OSBPL1A: variants seen among roughly 807,000 people sequenced by gnomAD.
OSBPL1A encodes the protein oxysterol-binding protein-related protein 1.
A neutral mutation model predicts 137.1 loss-of-function variants in OSBPL1A; 80 were observed. The ratio of observed to expected loss-of-function variants is 0.58; its 90% CI spans 0.49 to 0.70. OSBPL1A has a LOEUF of 0.70. OSBPL1A is among the 30% of genes least tolerant of loss of function. The pLI is 0.00. For synonymous variants in OSBPL1A, 365 were observed against 389.7 expected (o/e 0.94, Z 0.75); for missense variants, 970 against 1,129.4 (o/e 0.86, Z 2.02).
intron 2 of OSBPL1A, among the ~76,000 whole-genome samples, chr18:24,374,917 C>T (rs73396205): frequency 0.031 from 4,650 of 152,112 alleles, 228 homozygotes; most frequent in African/African-American, 0.11. Context: ...GGAAAACCTG[C>T]CTCTCCACCA....
At chr18:24,229,794 A>T (rs1451725794) in intron 16 of OSBPL1A, among the ~76,000 whole-genome samples, 1 of 151,222 alleles carries the variant, frequency 6.6e-6, no homozygotes, top group East Asian at 1.9e-4. Context: ...TCTGTCACCC[A>T]GGCTGGAGTG....
At chr18:24,364,230 A>G (rs2091670196) in intron 4 of OSBPL1A, among the ~76,000 whole-genome samples, 1 of 152,180 alleles carries the variant, frequency 6.6e-6, no homozygotes, top group African/African-American at 2.4e-5. Context: ...CTTCCCAGGT[A>G]CCCCAGGCTG....
chr18:24,260,310 T>C (rs1201924929), intron 15 of OSBPL1A, among the ~76,000 whole-genome samples: 1 of 152,150 alleles, frequency 6.6e-6, no homozygotes, highest in Non-Finnish European at 1.5e-5. Flanking sequence ...AATCCTACTT[T>C]TAGGTATATA....
intron 1 of OSBPL1A, among the ~76,000 whole-genome samples, chr18:24,391,466 A>G (rs1010798085): frequency 6.6e-5 from 10 of 151,990 alleles, no homozygotes; most frequent in African/African-American, 2.4e-4. Flanking sequence ...TCATGCCTGT[A>G]ATCCCCACTG....
At chr18:24,326,079 A>G (rs998869871) in intron 7 of OSBPL1A, among the ~76,000 whole-genome samples, 1 of 152,154 alleles carries the variant, frequency 6.6e-6, no homozygotes, top group Non-Finnish European at 1.5e-5. Flanking sequence ...GAAAAAAAGA[A>G]AAAAAGACTA....
chr18:24,307,066 T>C (rs903911752), intron 13 of OSBPL1A, among the ~76,000 whole-genome samples: 17 of 148,792 alleles, frequency 1.1e-4, no homozygotes, highest in African/African-American at 3.2e-4. Context: ...AGACCTTCCT[T>C]GCAACATAAT....
At chr18:24,388,664 G>A (rs544080079) in intron 1 of OSBPL1A, among the ~76,000 whole-genome samples, 1 of 151,862 alleles carries the variant, frequency 6.6e-6, no homozygotes, top group Non-Finnish European at 1.5e-5. Flanking sequence ...GCCAGGCGTG[G>A]TGATGGGCAC....
intron 15 of OSBPL1A, among the ~76,000 whole-genome samples, chr18:24,245,725 A>G (rs891860403): frequency 6.6e-6 from 1 of 152,172 alleles, no homozygotes; most frequent in Non-Finnish European, 1.5e-5. Context: ...ATAGTATAGT[A>G]TACTCTTGCT....
intron 18 of OSBPL1A, among the ~76,000 whole-genome samples, chr18:24,191,943 A>C (rs1415870856): frequency 2.0e-5 from 3 of 152,236 alleles, no homozygotes; most frequent in Admixed American, 1.3e-4. Context: ...TCATGTATTT[A>C]TTTAACAGAA....
intron 2 of OSBPL1A, among the ~76,000 whole-genome samples, chr18:24,370,381 C>T (rs1051792630): frequency 6.6e-6 from 1 of 152,194 alleles, no homozygotes; most frequent in Non-Finnish European, 1.5e-5. Context: ...CACCAAATAA[C>T]TTTGGGCAGC....
intron 18 of OSBPL1A, 142 bp downstream of exon 18, chr18:24,195,983 C>T (rs1253216830): frequency 2.9e-5 from 20 of 683,460 alleles, no homozygotes; most frequent in Non-Finnish European, 4.7e-5. Context: ...AAGTCACCTA[C>T]GACTTTTCAC....
intron 14 of OSBPL1A, among the ~76,000 whole-genome samples, chr18:24,289,142 A>T (rs1182336472): frequency 6.6e-6 from 1 of 152,178 alleles, no homozygotes; most frequent in Non-Finnish European, 1.5e-5. Flanking sequence ...ACAACAGCAA[A>T]AAAGGGGGAT....
At position 24,366,872 on chromosome 18, in the gene OSBPL1A, G is replaced by T; in HGVS notation, c.282+20C>A. The stretch of plus-strand genomic sequence containing the variant: ...TCCAAATACCTCACTTACAAACATT[G>T]AACATAGAATGATTTTCACCTTTCG... On this transcript the variant is annotated intron_variant, in intron 4 of 27. Transcript: ENST00000319481. 1 of 1,604,238 alleles carries T rather than the reference G, an allele frequency of 6.2e-7. No homozygotes were observed. The highest frequency in any genetic ancestry group is 1.1e-5 in the South Asian group (1 of 89,480).
At chr18:24,364,264 G>C (rs2091670861) in intron 4 of OSBPL1A, among the ~76,000 whole-genome samples, 1 of 152,194 alleles carries the variant, frequency 6.6e-6, no homozygotes, top group Non-Finnish European at 1.5e-5. Context: ...CACATTTGCA[G>C]GAGAAAGGAG....
chr18:24,195,811 G>A (rs2087013704), intron 18 of OSBPL1A: 3 of 333,254 alleles, frequency 9.0e-6, no homozygotes, highest in African/African-American at 2.2e-5. Flanking sequence ...TCTCCACTGT[G>A]GGGTTGTCTG....
intron 17 of OSBPL1A, among the ~76,000 whole-genome samples, chr18:24,216,268 G>A (rs1447496214): frequency 2.0e-5 from 3 of 152,224 alleles, no homozygotes; most frequent in Non-Finnish European, 4.4e-5. Flanking sequence ...CACTTTGGGA[G>A]GCCAAGGCGG....
At chr18:24,295,983 T>C (rs962467448) in intron 14 of OSBPL1A, among the ~76,000 whole-genome samples, 5 of 152,174 alleles carry the variant, frequency 3.3e-5, no homozygotes, top group Non-Finnish European at 5.9e-5. Flanking sequence ...ACTTTGGCTA[T>C]TCAGGTTCTT....
intron 15 of OSBPL1A, among the ~76,000 whole-genome samples, chr18:24,249,030 C>T (rs1433914243): frequency 1.3e-5 from 2 of 152,214 alleles, no homozygotes; most frequent in African/African-American, 4.8e-5. Flanking sequence ...GGATTCAATA[C>T]ACATTTACTC....
At chr18:24,270,943 C>G (rs2089703362) in intron 15 of OSBPL1A, among the ~76,000 whole-genome samples, 1 of 152,180 alleles carries the variant, frequency 6.6e-6, no homozygotes, top group African/African-American at 2.4e-5. Flanking sequence ...TTACCACCCT[C>G]TCTCCAAACC....
Sources: allele counts gnomAD v4.1 joint callset (sites outside exome capture counted in the v4.1 genomes callset), GRCh38; gene constraint gnomAD v4.1.1; transcripts MANE v1.5; gene names NCBI Gene and HGNC (gene_info 2026-07-23, HGNC 2026-07-21).